The following ACP7 variants were observed in gnomAD, a reference collection of about 807,000 sequenced individuals.
ACP7 encodes acid phosphatase 7, tartrate resistant (putative), also known as acid phosphatase type 7.
Under a neutral mutation model 60.6 loss-of-function variants are expected in ACP7, and 58 were observed. The ratio of observed to expected loss-of-function variants is 0.96; its 90% CI spans 0.77 to 1.19. The LOEUF is 1.19. Ranked by LOEUF, ACP7 falls within the 50% of genes most tolerant of loss-of-function variation. The pLI, the probability that ACP7 is intolerant of heterozygous loss-of-function variation, is 0.00. For synonymous variants in ACP7, 237 were observed against 232.6 expected (o/e 1.02, Z -0.17); for missense variants, 574 against 596.2 (o/e 0.96, Z 0.39).
chr19:39,098,823 A>T (rs768372926), intron 3 of ACP7, 137 bp from the exon 4 acceptor site: 35 of 1,376,674 alleles, frequency 2.5e-5, no homozygotes, highest in Non-Finnish European at 3.4e-5. Context: ...GGTGCCGGGG[A>T]AGGCAGACCG....
chr19:39,085,136 C>G lies in ACP7; in HGVS notation c.-134C>G. The G allele has an allele frequency of 8.6e-7, 1 of 1,161,414 alleles. No individual in the cohort carries two copies. The highest frequency in any genetic ancestry group is 1.2e-6 in the Non-Finnish European group (1 of 839,886). The allele number at this position is 1,161,414 out of a possible 1,614,324, so 71.9% of individuals were successfully genotyped here. A position where few individuals can be genotyped will look rare whatever the true frequency, so the allele number is the denominator to read the frequency against. ...CTTGAAGGAGACCTCCCTGCCCTGC[C>G]TCTGTTGTCCCCCAGAGCACTGCCT... On this transcript the variant is annotated 5_prime_UTR_variant, in exon 2 of 13. Transcript: ENST00000331256.
Position 39,110,064 on chromosome 19 carries a change from C to A in ACP7, c.1263C>A (p.Ile421=). The change falls in exon 13 of 13, where the codon ATC becomes ATA. Residue 421 remains isoleucine (I), a synonymous_variant. Transcript: ENST00000331256. ...QQVSDDQDGK[I]VDDVWVVRPL... ...TTTGTCCCTCACAGGATGGGAAGAT[C>A]GTAGATGATGTCTGGGTGGTGAGAC... The A allele has an allele frequency of 1.2e-6, 2 of 1,613,776 alleles. No individual in the cohort carries two copies. The highest frequency in any genetic ancestry group is 1.1e-5 in the South Asian group (1 of 91,076).
At chr19:39,094,230 G>A (rs1486664516) in intron 2 of ACP7, among the ~76,000 whole-genome samples, 1 of 152,076 alleles carries the variant, frequency 6.6e-6, no homozygotes, top group African/African-American at 2.4e-5. Context: ...GCTGGGCGTG[G>A]TGGCTCACCC....
chr19:39,106,381 G>C (rs1409712650), intron 11 of ACP7, among the ~76,000 whole-genome samples: 1 of 152,196 alleles, frequency 6.6e-6, no homozygotes, highest in East Asian at 1.9e-4. Flanking sequence ...CGTTGGGATG[G>C]CTTCCAGTTC....
chr19:39,104,418 G>A (rs779000542), intron 11 of ACP7, among the ~76,000 whole-genome samples: 12 of 152,164 alleles, frequency 7.9e-5, no homozygotes, highest in Admixed American at 6.5e-5. Context: ...GCCTGACCCC[G>A]GACAAAATAC....
intron 2 of ACP7, among the ~76,000 whole-genome samples, chr19:39,098,016 C>T (rs973878371): frequency 9.4e-4 from 143 of 151,970 alleles, no homozygotes; most frequent in African/African-American, 3.3e-3. Context: ...TTTGGGAGGC[C>T]AAGGTGGGTG....
chr19:39,098,552 C>G lies in ACP7; in HGVS notation c.216C>G (p.Leu72=). ...TGCAGCCGTCGGGGCCCCTGCCCCT[C>G]CGCGCCCAGGGCACCTTCGTCCCCT... The part of the protein sequence containing the change: ...FGLQPSGPLP[L]RAQGTFVPFV... The change falls in exon 3 of 13, where the codon CTC becomes CTG. Residue 72 remains leucine, a synonymous_variant. Transcript: ENST00000331256. 1 of 1,613,306 alleles carries G rather than the reference C, an allele frequency of 6.2e-7. No individual in the cohort carries two copies. Among genetic ancestry groups the G allele is most frequent in the Non-Finnish European group, 8.5e-7 (1 of 1,179,652 alleles).
At chr19:39,093,764 C>A (rs1008578874) in intron 2 of ACP7, among the ~76,000 whole-genome samples, 2 of 152,136 alleles carry the variant, frequency 1.3e-5, no homozygotes. Context: ...TGTACCCTTT[C>A]TTTATTTCTT....
intron 2 of ACP7, among the ~76,000 whole-genome samples, chr19:39,088,952 C>A (rs1280860857): frequency 1.3e-5 from 2 of 149,618 alleles, no homozygotes; most frequent in Admixed American, 6.7e-5. Context: ...TTTTTTGAGT[C>A]GTAGTCTCAC....
intron 2 of ACP7, among the ~76,000 whole-genome samples, chr19:39,093,347 T>C (rs1369362994): frequency 2.6e-5 from 4 of 151,256 alleles, no homozygotes; most frequent in African/African-American, 9.7e-5. Flanking sequence ...CTCCGCCTCC[T>C]GGGTTCAAGT....
At chr19:39,086,986 C>T (rs1256478742) in intron 2 of ACP7, among the ~76,000 whole-genome samples, 1 of 152,036 alleles carries the variant, frequency 6.6e-6, no homozygotes, top group African/African-American at 2.4e-5. Flanking sequence ...GTGGCATTGA[C>T]TTGCATCTTT....
chr19:39,094,102 C>A (rs2073239926), intron 2 of ACP7, among the ~76,000 whole-genome samples: 1 of 152,136 alleles, frequency 6.6e-6, no homozygotes, highest in Admixed American at 6.6e-5. Flanking sequence ...ATTTTTAAAA[C>A]CTTGACTTGG....
rs2073196038 is a variant in ACP7, at chr19:39,090,849, A to G, written c.121+5459A>G. Among the ~76,000 whole-genome samples, 5 of 149,594 alleles carry G rather than the reference A, an allele frequency of 3.3e-5. 1 individual carries two copies. The East Asian group carries it at 9.8e-4, about 29-fold the overall frequency. On this transcript the variant is annotated intron_variant, in intron 2 of 12. Coordinates refer to ENST00000331256, the MANE Select transcript of ACP7 (RefSeq NM_001004318.3). ...TCAATATAGTAGCTCCTTCCATCTA[A>G]TTGAAATTTTATTATAAGAAAGAGC... is the stretch of plus-strand genomic sequence containing the variant.
chr19:39,095,085 G>C (rs772995747), intron 2 of ACP7, among the ~76,000 whole-genome samples: 1 of 152,148 alleles, frequency 6.6e-6, no homozygotes, highest in Non-Finnish European at 1.5e-5. Context: ...GGGACACAGA[G>C]CCAAACCATA....
Position 39,110,304 on chromosome 19 carries a change from C to G in ACP7, c.*186C>G, listed in dbSNP as rs947791798. 37 of 611,114 alleles carry G rather than the reference C, an allele frequency of 6.1e-5. No homozygotes were observed. The Admixed American group carries it at 1.1e-3, about 18-fold the overall frequency. 37.9% of individuals were successfully genotyped at this position (611,114 alleles called of 1,614,324 possible). A position where few individuals can be genotyped will look rare whatever the true frequency, so the allele number is the denominator to read the frequency against. ...GTTCCCTCCTGGAGAGGTGGGAGTCCTGGCTGGCTGTGGAGGGAGGGCAGG... is the reference window on the plus strand; with the variant it reads ...GTTCCCTCCTGGAGAGGTGGGAGTCGTGGCTGGCTGTGGAGGGAGGGCAGG... On this transcript the variant is annotated 3_prime_UTR_variant, in exon 13 of 13. Transcript: ENST00000331256.
intron 2 of ACP7, among the ~76,000 whole-genome samples, chr19:39,096,547 T>C (rs2073268021): frequency 6.6e-6 from 1 of 152,222 alleles, no homozygotes; most frequent in Non-Finnish European, 1.5e-5. Flanking sequence ...TTTTCCTGTC[T>C]TCTTCTGAGC....
At chr19:39,107,811 G>T (rs1335373846) in intron 12 of ACP7, among the ~76,000 whole-genome samples, 2 of 152,010 alleles carry the variant, frequency 1.3e-5, no homozygotes, top group African/African-American at 4.8e-5. Context: ...ACTTAAATCT[G>T]GGAGGTGAAG....
Position 39,098,456 on chromosome 19 carries a change from A to G in ACP7, c.122-2A>G. 2 of 1,523,816 alleles carry G rather than the reference A, an allele frequency of 1.3e-6. No homozygotes were observed. The highest frequency in any genetic ancestry group is 1.8e-6 in the Non-Finnish European group (2 of 1,135,348). The allele number at this position is 1,523,816 out of a possible 1,614,324, so 94.4% of individuals were successfully genotyped here. ...GTCTACCCTCTGTCCCTTTCTCCCC[A>G]GGTGAGCCAGGCTCCATGACTGTAA... is the stretch of plus-strand genomic sequence containing the variant. On this transcript the variant is annotated splice_acceptor_variant, in intron 2 of 12. Transcript: ENST00000331256. LOFTEE classifies it high-confidence loss of function.
In ACP7 at chr19:39,098,693, AG is replaced by A. The variant is rs528213850; in HGVS notation, c.322+36del. 44 of 1,578,868 alleles carry A rather than the reference AG, an allele frequency of 2.8e-5. No individual in the cohort carries two copies. The East Asian group carries it at 9.3e-4, about 33-fold the overall frequency. On this transcript the variant is annotated intron_variant, in intron 3 of 12. Transcript: ENST00000331256. ...GCCCCAGGCTGAGCTGTTGAGGAGGAGTGGGAAGAGGAGTGGGATGCAGACT... is the reference window on the plus strand; with the variant it reads ...GCCCCAGGCTGAGCTGTTGAGGAGGATGGGAAGAGGAGTGGGATGCAGACT...
Sources: gnomAD v4.1 joint callset for allele counts (sites outside exome capture counted in the v4.1 genomes callset) on GRCh38, gnomAD v4.1.1 for gene constraint, MANE v1.5 for transcripts, NCBI Gene and HGNC (gene_info 2026-07-23, HGNC 2026-07-21) for gene names.